The following CCDC102B variants were observed in gnomAD, a reference collection of about 807,000 sequenced individuals.
CCDC102B encodes the protein coiled-coil domain containing 102B.
A neutral mutation model predicts 57.4 loss-of-function variants in CCDC102B; 75 were observed. The ratio of observed to expected loss-of-function variants is 1.31; its 90% CI spans 1.08 to 1.58. The LOEUF (loss-of-function observed/expected upper bound fraction) is 1.58. Among genes scored for constraint, CCDC102B ranks in the 40% most tolerant of loss-of-function variants. CCDC102B has a pLI of 0.00. For synonymous variants in CCDC102B, 206 were observed against 201.9 expected (o/e 1.02, Z -0.17); for missense variants, 636 against 582.6 (o/e 1.09, Z -0.94).
intron 1 of CCDC102B, among the ~76,000 whole-genome samples, chr18:68,829,099 A>G (rs1232392174): frequency 1.3e-5 from 2 of 151,878 alleles, no homozygotes; most frequent in East Asian, 3.9e-4. Flanking sequence ...AAATTTTGCA[A>G]TTTGGAGGAG....
chr18:68,875,771 T>G (rs2039419670), intron 5 of CCDC102B, among the ~76,000 whole-genome samples: 1 of 152,156 alleles, frequency 6.6e-6, no homozygotes, highest in African/African-American at 2.4e-5. Context: ...AACAGGATTT[T>G]GGAAAATGTA....
Position 69,009,924 on chromosome 18 carries a change from A to ATTTTTTTTTTTTTTTTT in CCDC102B, c.1264-1001_1264-985dup. On this transcript the variant is annotated intron_variant, in intron 6 of 7. Coordinates refer to ENST00000360242, the MANE Select transcript of CCDC102B (RefSeq NM_024781.3). The stretch of plus-strand genomic sequence containing the variant: ...CTTTTTCTTTATAGTTTTAATAAAG[A>ATTTTTTTTTTTTTTTTT]TTTTTTTTTTTTTTTTTTTTTTTTT... Among the ~76,000 whole-genome samples the ATTTTTTTTTTTTTTTTT allele has an allele frequency of 2.7e-3, 92 of 33,532 alleles. 18 individuals are homozygous for ATTTTTTTTTTTTTTTTT. The highest frequency in any genetic ancestry group is 3.7e-3 in the Admixed American group (5 of 1,350). The allele number at this position is 33,532 out of a possible 152,430, so 22.0% of individuals were successfully genotyped here.
At chr18:68,720,135 C>T (rs1204152534) in intron 2 of CCDC102B, among the ~76,000 whole-genome samples, 2 of 152,118 alleles carry the variant, frequency 1.3e-5, no homozygotes, top group African/African-American at 4.8e-5. Flanking sequence ...AACCTGTCAT[C>T]AATAGTAAAT....
At chr18:68,972,572 A>C (rs2050330996) in intron 6 of CCDC102B, among the ~76,000 whole-genome samples, 1 of 152,174 alleles carries the variant, frequency 6.6e-6, no homozygotes, top group South Asian at 2.1e-4. Context: ...CATCTCATAA[A>C]ATCCCATCAG....
chr18:68,860,855 G>A (rs918057830), intron 4 of CCDC102B, among the ~76,000 whole-genome samples: 2 of 144,892 alleles, frequency 1.4e-5, no homozygotes, highest in East Asian at 4.0e-4. Context: ...TAGAATATAA[G>A]GTTAGGAAGG....
chr18:68,948,224 T>C (rs1436627442), intron 6 of CCDC102B, among the ~76,000 whole-genome samples: 1 of 152,082 alleles, frequency 6.6e-6, no homozygotes, highest in Non-Finnish European at 1.5e-5. Flanking sequence ...TGAAAATAAA[T>C]TAGAATTACA....
At chr18:68,958,225 G>T (rs1013955668) in intron 6 of CCDC102B, among the ~76,000 whole-genome samples, 5 of 152,174 alleles carry the variant, frequency 3.3e-5, no homozygotes, top group Non-Finnish European at 7.3e-5. Flanking sequence ...GGCAATTCAA[G>T]ATGAGATTTG....
At position 68,757,386 on chromosome 18, in the gene CCDC102B, T is replaced by C. The variant is rs75414061; in HGVS notation, c.-67+40792T>C. On this transcript the variant is annotated intron_variant, in intron 2 of 3. Coordinates refer to the CCDC102B transcript ENST00000578970. ...CCTTTTGGTAATATTATTTCAAAAA[T>C]AGACTTAATCTAAAACAGCTGTTGA... Among the ~76,000 whole-genome samples the C allele has an allele frequency of 9.7e-3, 1,471 of 152,272 alleles. 29 individuals are homozygous for C. Among genetic ancestry groups the C allele is most frequent in the African/African-American group, 0.033 (1,385 of 41,574 alleles).
intron 7 of CCDC102B, among the ~76,000 whole-genome samples, chr18:69,051,481 T>A (rs1379174615): frequency 6.6e-6 from 1 of 152,014 alleles, no homozygotes; most frequent in African/African-American, 2.4e-5. Flanking sequence ...CCCATAGAGT[T>A]AATGAAACTC....
At chr18:68,960,088 G>A (rs2050007739) in intron 6 of CCDC102B, among the ~76,000 whole-genome samples, 4 of 152,166 alleles carry the variant, frequency 2.6e-5, no homozygotes, top group Admixed American at 2.6e-4. Context: ...AATCACAGCT[G>A]GGAATGTGCT....
chr18:68,810,680 G>GTTTT (rs61714863), intron 1 of CCDC102B, among the ~76,000 whole-genome samples: 16 of 77,044 alleles, frequency 2.1e-4, no homozygotes, highest in Non-Finnish European at 2.4e-4. Context: ...TCTTTTCTTT[G>GTTTT]TTTTTTTTTT....
At chr18:68,936,814 CACAT>C (rs1037212550) in intron 6 of CCDC102B, among the ~76,000 whole-genome samples, 38 of 150,508 alleles carry the variant, frequency 2.5e-4, no homozygotes, top group African/African-American at 8.8e-4. Flanking sequence ...CATATATACA[CACAT>C]ATACACATAT....
intron 1 of CCDC102B, among the ~76,000 whole-genome samples, chr18:68,808,689 A>C (rs781451594): frequency 6.6e-6 from 1 of 152,058 alleles, no homozygotes; most frequent in East Asian, 1.9e-4. Context: ...CGTATTAGCC[A>C]GGATGGTCTC....
chr18:69,056,025 C>T (rs1233365277), downstream of CCDC102B, among the ~76,000 whole-genome samples: 1 of 152,026 alleles, frequency 6.6e-6, no homozygotes, highest in African/African-American at 2.4e-5. Flanking sequence ...AAAGCATTTT[C>T]TAGATGTATC....
upstream of CCDC102B, among the ~76,000 whole-genome samples, chr18:68,797,434 C>A (rs35585917): frequency 0.16 from 23,811 of 151,812 alleles, 1,947 homozygotes; most frequent in Admixed American, 0.2. Flanking sequence ...CCCCCTCAAC[C>A]CCCATCAGAA....
chr18:68,785,938 C>A (rs903808636), intron 2 of CCDC102B, among the ~76,000 whole-genome samples: 6 of 151,934 alleles, frequency 3.9e-5, no homozygotes, highest in Non-Finnish European at 5.9e-5. Context: ...CCTAGGTTTT[C>A]TTCTAGGGTT....
intron 7 of CCDC102B, among the ~76,000 whole-genome samples, chr18:69,042,085 C>T (rs2052449089): frequency 6.6e-6 from 1 of 151,926 alleles, no homozygotes; most frequent in South Asian, 2.1e-4. Context: ...ATTTTCTAAC[C>T]AGGCTTGAAA....
intron 5 of CCDC102B, among the ~76,000 whole-genome samples, chr18:68,877,858 T>C (rs557759447): frequency 8.5e-5 from 13 of 152,328 alleles, no homozygotes; most frequent in South Asian, 2.1e-4. Flanking sequence ...GGAAAGGGCC[T>C]GACAGTTTAG....
At chr18:68,905,225 C>CA (rs1212468511) in intron 6 of CCDC102B, among the ~76,000 whole-genome samples, 1 of 33,742 alleles carries the variant, frequency 3.0e-5, no homozygotes, top group Non-Finnish European at 6.7e-5. Context: ...AATACCATAG[C>CA]AAAAATTATG....
Sources: allele counts gnomAD v4.1 joint callset (sites outside exome capture counted in the v4.1 genomes callset), GRCh38; gene constraint gnomAD v4.1.1; transcripts MANE v1.5; gene names NCBI Gene and HGNC (gene_info 2026-07-23, HGNC 2026-07-21).